Variants in SH3BP2 observed in about 807,000 individuals in gnomAD.
SH3BP2 encodes the protein SH3 domain binding protein 2.
In SH3BP2, 38 loss-of-function variants were observed where a neutral mutation model predicts 56.2. The observed-to-expected ratio is 0.68, with a 90% CI of 0.52 to 0.89. The LOEUF (loss-of-function observed/expected upper bound fraction) is 0.89, where lower values mean the gene tolerates loss of function less well. Among genes scored for constraint, SH3BP2 ranks in the 40% least tolerant of loss-of-function variants. The probability of loss-of-function intolerance (pLI) is 0.00; values close to 1 mark genes in which losing one functional copy is unlikely to be tolerated. For synonymous variants in SH3BP2, 346 were observed against 316.7 expected, an observed-to-expected ratio of 1.09 and a Z score of -0.98; for missense variants, 748 against 762.6, an observed-to-expected ratio of 0.98 and a Z score of 0.23.
intron 1 of SH3BP2, among the ~76,000 whole-genome samples, 163 bp downstream of exon 1, chr4:2,793,301 G>A (rs1174854059): frequency 6.9e-6 from 1 of 145,348 alleles, no homozygotes; most frequent in Non-Finnish European, 1.5e-5. Flanking sequence ...GCGGGTCTCG[G>A]GGGTCTCGGG....
intron 12 of SH3BP2, 192 bp downstream of exon 12, chr4:2,833,241 C>G (rs1725095834): frequency 1.5e-6 from 1 of 660,604 alleles, no homozygotes; most frequent in African/African-American, 1.8e-5. Context: ...CGTGGCCTAC[C>G]TTTGTCCTCC....
chr4:2,817,255 A>G lies in SH3BP2; in HGVS notation c.-4-3359A>G, dbSNP rs559132461. On this transcript the variant is annotated intron_variant, in intron 1 of 12. Transcript: ENST00000503393. Reference sequence around the variant, plus strand: ...TGCGTGTTGATTCTGTGCTGGGTGGAGGGGGCTGGAGGCAGAGGAAGCCTG... The same window carrying G: ...TGCGTGTTGATTCTGTGCTGGGTGGGGGGGGCTGGAGGCAGAGGAAGCCTG... Among the ~76,000 whole-genome samples, 7 of 152,142 alleles carry G rather than the reference A, an allele frequency of 4.6e-5. No homozygotes were observed. In the South Asian group the frequency reaches 1.5e-3, roughly 32 times the overall value.
In SH3BP2 at chr4:2,829,598, C is replaced by A; in HGVS notation, c.692C>A (p.Pro231His). 1 of 1,612,780 alleles carries A rather than the reference C, an allele frequency of 6.2e-7. No homozygotes were observed. Among genetic ancestry groups the A allele is most frequent in the Non-Finnish European group, 8.5e-7 (1 of 1,179,528 alleles). Reference sequence around the variant, plus strand: ...GCCCACTCCTTTACCTCCAAGGGCCCCGGTCCCCTACTGCCACCCCCGCCC... The same window carrying A: ...GCCCACTCCTTTACCTCCAAGGGCCACGGTCCCCTACTGCCACCCCCGCCC... The part of the protein sequence containing the change: ...PRAHSFTSKG[P>H]GPLLPPPPPK... Residue 231 changes from proline (P) to histidine (H), a missense_variant, in exon 8 of 13, where the codon CCC becomes CAC. Physicochemically the swap from Pro to His is moderately conservative, Grantham distance 77. This residue lies in a region of SH3BP2 where 635 missense variants were observed against 615.0 expected (regional missense o/e 1.03). Coordinates refer to ENST00000503393, the MANE Select transcript of SH3BP2 (RefSeq NM_001122681.2). This position sits in a 1 kb window ranked among gnomAD's most constrained non-coding sequence, Gnocchi z 4.9.
Position 2,827,268 on chromosome 4 carries a change from T to C in SH3BP2, c.467T>C (p.Val156Ala). The change falls in exon 6 of 13, where the codon GTT (valine) becomes GCT (alanine). Residue 156 changes from valine (V) to alanine (A), a missense_variant. Val to Ala is a moderately conservative substitution (Grantham distance 64, BLOSUM62 0). Transcript: ENST00000503393. ...GACACAGACAGCTTCTACGGCGCAGTTGAGCGGCCTGTGGATATCAGCCTT... is the reference window on the plus strand; with the variant it reads ...GACACAGACAGCTTCTACGGCGCAGCTGAGCGGCCTGTGGATATCAGCCTT... Reference protein sequence around the residue: ...SSDTDSFYGAVERPVDISLSP... With the variant: ...SSDTDSFYGAAERPVDISLSP... The C allele has an allele frequency of 3.1e-6, 5 of 1,614,228 alleles. No homozygotes were observed. Among genetic ancestry groups the C allele is most frequent in the Non-Finnish European group, 4.2e-6 (5 of 1,180,034 alleles).
chr4:2,806,190 G>T (rs1723526847), intron 1 of SH3BP2, among the ~76,000 whole-genome samples: 1 of 152,240 alleles, frequency 6.6e-6, no homozygotes, highest in Admixed American at 6.5e-5. Flanking sequence ...CACATGCATA[G>T]AGCGGCCCTC....
intron 1 of SH3BP2, among the ~76,000 whole-genome samples, chr4:2,803,120 G>A (rs752557118): frequency 3.3e-5 from 5 of 152,338 alleles, no homozygotes; most frequent in African/African-American, 7.2e-5. Flanking sequence ...TGAGTGAAAG[G>A]GACAGGCGGC....
At position 2,828,343 on chromosome 4, in the gene SH3BP2, C is replaced by T. The variant is rs568393522; in HGVS notation, c.586+669C>T. Among the ~76,000 whole-genome samples, 260 of 152,148 alleles carry T rather than the reference C, an allele frequency of 1.7e-3. 3 individuals are homozygous for T. Among genetic ancestry groups the T allele is most frequent in the African/African-American group, 5.9e-3 (246 of 41,486 alleles). On this transcript the variant is annotated intron_variant, in intron 7 of 12. Coordinates refer to ENST00000503393, the MANE Select transcript of SH3BP2 (RefSeq NM_001122681.2). ...AGCCTCCTGTTCTCACTGACTTGGC[C>T]TCTGCCGACCCCAGCCCCTGACCCC...
chr4:2,831,890 G>A lies in SH3BP2; in HGVS notation c.1351-33G>A, dbSNP rs762033713. On this transcript the variant is annotated intron_variant, in intron 9 of 12. Coordinates refer to ENST00000503393, the MANE Select transcript of SH3BP2 (RefSeq NM_001122681.2). This position sits in a 1 kb window ranked among gnomAD's most constrained non-coding sequence, Gnocchi z 4.1. Reference sequence around the variant, plus strand: ...AGTGGTGGTGCGGGTGGATCACTCCGACGTTGGCACTGACACCGTCAGCCT... The same window carrying A: ...AGTGGTGGTGCGGGTGGATCACTCCAACGTTGGCACTGACACCGTCAGCCT... 49 of 1,609,674 alleles carry A rather than the reference G, an allele frequency of 3.0e-5. No homozygotes were observed. In the Admixed American group the frequency reaches 4.3e-4, roughly 14 times the overall value.
At chr4:2,827,885 G>A (rs375341133) in intron 7 of SH3BP2, among the ~76,000 whole-genome samples, 2 of 152,196 alleles carry the variant, frequency 1.3e-5, no homozygotes, top group East Asian at 3.9e-4. Flanking sequence ...CCACCTCCCA[G>A]GAGGAGGGAC....
At chr4:2,828,010 G>A (rs1430045995) in intron 7 of SH3BP2, among the ~76,000 whole-genome samples, 2 of 152,166 alleles carry the variant, frequency 1.3e-5, no homozygotes, top group Non-Finnish European at 2.9e-5. Context: ...CCCCATGGCT[G>A]CCAGCTTGTG....
At chr4:2,796,309 G>A (rs1479616791) in intron 1 of SH3BP2, 4 of 615,444 alleles carry the variant, frequency 6.5e-6, no homozygotes, top group Non-Finnish European at 8.1e-6. Context: ...ACAGGAGTTC[G>A]AGGTGGTGCA....
intron 4 of SH3BP2, 193 bp downstream of exon 4, chr4:2,824,923 T>C: frequency 3.0e-6 from 2 of 669,436 alleles, no homozygotes; most frequent in Admixed American, 2.3e-5. Context: ...CAGAGCCTGG[T>C]GCCAGCGCCC....
intron 3 of SH3BP2, chr4:2,823,701 A>C (rs1577358363): frequency 2.8e-6 from 1 of 354,518 alleles, no homozygotes. Context: ...GGAGCCCTGC[A>C]CCCCACAGCA....
intron 10 of SH3BP2, 114 bp from the exon 11 acceptor site, chr4:2,832,217 C>T (rs1725025102): frequency 1.8e-6 from 2 of 1,087,178 alleles, no homozygotes; most frequent in South Asian, 2.5e-5. Flanking sequence ...TGCTCAGCTC[C>T]TGAGACCTAC....
intron 8 of SH3BP2, 33 bp downstream of exon 8, chr4:2,830,180 C>T (rs570466430): frequency 1.9e-6 from 3 of 1,584,360 alleles, no homozygotes; most frequent in African/African-American, 1.3e-5. Flanking sequence ...AGCCCTGCCT[C>T]CAGCTACAGG....
rs1298346520 is a variant in SH3BP2 at position 2,827,248 on chromosome 4, A to G, written c.447A>G (p.Thr149=). The change falls in exon 6 of 13, where the codon ACA becomes ACG. Residue 149 remains threonine (T), a synonymous_variant. Coordinates refer to ENST00000503393, the MANE Select transcript of SH3BP2 (RefSeq NM_001122681.2). ...PLDTSDSSSD[T]DSFYGAVERP... The stretch of plus-strand genomic sequence containing the variant: ...ATTGCAGCGACTCCAGCTCGGACAC[A>G]GACAGCTTCTACGGCGCAGTTGAGC... 1.2e-6 allele frequency: 2 copies of G among 1,614,186 alleles called. No individual in the cohort carries two copies. The highest frequency in any genetic ancestry group is 1.7e-6 in the Non-Finnish European group (2 of 1,180,020).
chr4:2,833,817 T>C lies in SH3BP2; in HGVS notation c.1669T>C (p.Tyr557His). The stretch of plus-strand genomic sequence containing the variant: ...CCTGCTGCTGCGGCACCCCTACGGC[T>C]ACACTGGGCCTAGGTGATGGCAGTC... ...QSLLLRHPYGYTGPR is the reference protein window; with the variant it reads ...QSLLLRHPYGHTGPR Residue 557 changes from tyrosine to histidine, a missense_variant, in exon 13 of 13, where the codon TAC becomes CAC. Around this residue, in one of 3 missense-constraint regions of SH3BP2, gnomAD observed 635 missense variants for 615.0 expected, o/e 1.03. Transcript: ENST00000503393. 1 of 1,579,584 alleles carries C rather than the reference T, an allele frequency of 6.3e-7. No homozygotes were observed. Among genetic ancestry groups the C allele is most frequent in the East Asian group, 2.3e-5 (1 of 43,062 alleles).
intron 1 of SH3BP2, among the ~76,000 whole-genome samples, chr4:2,815,222 ACCC>A (rs1338702777): frequency 2.6e-5 from 4 of 151,826 alleles, no homozygotes; most frequent in Non-Finnish European, 5.9e-5. Flanking sequence ...GCCAGGTATC[ACCC>A]CCTGGCACAG....
chr4:2,820,328 G>A (rs975638930), intron 1 of SH3BP2, among the ~76,000 whole-genome samples: 1 of 152,206 alleles, frequency 6.6e-6, no homozygotes, highest in African/African-American at 2.4e-5. Context: ...GTGGCTGTGT[G>A]CAGAATGAAC....
Sources: allele counts gnomAD v4.1 joint callset (sites outside exome capture counted in the v4.1 genomes callset), GRCh38; gene constraint gnomAD v4.1.1; regional missense constraint gnomAD v4.1.1; non-coding constraint Gnocchi (gnomAD v3.1); transcripts MANE v1.5; gene names NCBI Gene and HGNC (gene_info 2026-07-23, HGNC 2026-07-21).